Variants in FAM135B observed in about 807,000 individuals in gnomAD.
FAM135B encodes the protein family with sequence similarity 135 member B, also known as protein FAM135B.
FAM135B carries 43 observed loss-of-function variants against 127.7 expected under a neutral mutation model. The ratio of observed to expected loss-of-function variants is 0.34; its 90% confidence interval spans 0.26 to 0.43. FAM135B has a LOEUF of 0.43. FAM135B is among the 20% of genes least tolerant of loss of function. The pLI, the probability that FAM135B is intolerant of heterozygous loss-of-function variation, is 1.00. For missense variants in FAM135B, 1,558 were observed against 1,725.6 expected (o/e 0.90, Z 1.72); for synonymous variants, 670 against 665.1 (o/e 1.01, Z -0.11).
intron 1 of FAM135B, among the ~76,000 whole-genome samples, chr8:138,480,193 TC>T (rs143640076): frequency 0.01 from 1,590 of 152,324 alleles, 30 homozygotes; most frequent in African/African-American, 0.034. Flanking sequence ...CCATGGGGAC[TC>T]CCTGGGACAA....
At chr8:138,363,470 C>T (rs1830560222) in intron 2 of FAM135B, among the ~76,000 whole-genome samples, 1 of 152,162 alleles carries the variant, frequency 6.6e-6, no homozygotes, top group Non-Finnish European at 1.5e-5. Context: ...GTCCTCAGTA[C>T]TTCCCTGCCC....
intron 1 of FAM135B, among the ~76,000 whole-genome samples, chr8:138,466,196 G>A (rs1837373030): frequency 6.6e-6 from 1 of 152,160 alleles, no homozygotes; most frequent in African/African-American, 2.4e-5. Flanking sequence ...TGCGGTGGAG[G>A]GTAAAGGCCC....
intron 7 of FAM135B, among the ~76,000 whole-genome samples, chr8:138,235,003 T>C (rs1338961635): frequency 6.6e-6 from 1 of 152,222 alleles, no homozygotes; most frequent in Non-Finnish European, 1.5e-5. Flanking sequence ...CCTGTTTGTA[T>C]AAAGGTGACT....
intron 1 of FAM135B, among the ~76,000 whole-genome samples, chr8:138,419,442 A>G (rs1834360153): frequency 6.6e-6 from 1 of 152,180 alleles, no homozygotes; most frequent in African/African-American, 2.4e-5. Flanking sequence ...AGTATTAGAC[A>G]TATCATCAAG....
intron 4 of FAM135B, among the ~76,000 whole-genome samples, chr8:138,261,648 C>A (rs1350097403): frequency 6.6e-6 from 1 of 152,232 alleles, no homozygotes; most frequent in African/African-American, 2.4e-5. Flanking sequence ...AATACACACA[C>A]TACCTCCAGA....
chr8:138,339,412 C>A (rs993972674), intron 2 of FAM135B, among the ~76,000 whole-genome samples: 7 of 149,644 alleles, frequency 4.7e-5, no homozygotes, highest in Middle Eastern at 3.2e-3. Flanking sequence ...AAACTATTTT[C>A]CCTGAACTCC....
chr8:138,345,054 G>T (rs1280565760), intron 2 of FAM135B, among the ~76,000 whole-genome samples: 1 of 152,220 alleles, frequency 6.6e-6, no homozygotes, highest in East Asian at 1.9e-4. Context: ...CCAGCACTGT[G>T]TCAGCAATGC....
At chr8:138,236,604 C>T (rs1227749930) in intron 7 of FAM135B, among the ~76,000 whole-genome samples, 2 of 152,178 alleles carry the variant, frequency 1.3e-5, no homozygotes, top group Non-Finnish European at 2.9e-5. Context: ...GCAGCAGTGA[C>T]ATACTTAAAC....
At chr8:138,149,325 A>C (rs558564549) in intron 13 of FAM135B, among the ~76,000 whole-genome samples, 2 of 152,128 alleles carry the variant, frequency 1.3e-5, no homozygotes, top group Non-Finnish European at 2.9e-5. Context: ...AAAAAGTGAA[A>C]GCTTCTTGAC....
At position 138,195,264 on chromosome 8, in the gene FAM135B, C is replaced by G. The variant is rs534579864; in HGVS notation, c.867G>C (p.Glu289Asp). Residue 289 changes from glutamate to aspartate, a missense_variant, in exon 9 of 20, where the codon GAG (glutamate) becomes GAC (aspartate). Transcript: ENST00000395297. Reference protein sequence around the residue: ...VEETLSQLCSELQMLNNPEKI... With the variant: ...VEETLSQLCSDLQMLNNPEKI... Reference sequence around the variant, plus strand: ...GCGCCAGTTCTCCAATTACCTGTAGCTCTGAGCACAGCTGAGAAAGTGTTT... The same window carrying G: ...GCGCCAGTTCTCCAATTACCTGTAGGTCTGAGCACAGCTGAGAAAGTGTTT... The G allele has an allele frequency of 2.5e-6, 4 of 1,613,856 alleles. No homozygotes were observed. The African/African-American group carries it at 5.3e-5, about 22-fold the overall frequency.
intron 1 of FAM135B, chr8:138,477,262 T>C (rs374491947): frequency 5.8e-4 from 89 of 152,340 alleles, no homozygotes; most frequent in African/African-American, 1.9e-3. Context: ...CTATTCACAT[T>C]TGCCAGCCAG....
chr8:138,168,113 CT>C, intron 11 of FAM135B, 64 bp from the exon 12 acceptor site: 7 of 1,516,906 alleles, frequency 4.6e-6, no homozygotes, highest in Non-Finnish European at 6.2e-6. Context: ...CCGTTGCCCC[CT>C]CTTCCTAATC....
intron 1 of FAM135B, among the ~76,000 whole-genome samples, chr8:138,448,941 A>G (rs1171173581): frequency 6.6e-6 from 1 of 152,130 alleles, no homozygotes; most frequent in African/African-American, 2.4e-5. Context: ...CTCTTTATAC[A>G]CTAATCTTTG....
At chr8:138,166,859 T>A (rs1387062019) in intron 12 of FAM135B, among the ~76,000 whole-genome samples, 1 of 152,042 alleles carries the variant, frequency 6.6e-6, no homozygotes, top group African/African-American at 2.4e-5. Flanking sequence ...CAACCTGTAG[T>A]TCACAATCAA....
rs1818109252 is a variant in FAM135B, at chr8:138,211,124, G to C, written c.670-13455C>G. ...TTGGCTCCTGCAGAAAACAGATCAG[G>C]CTATTCTAAGGGATCACTAAACGAC... On this transcript the variant is annotated intron_variant, in intron 7 of 19. Transcript: ENST00000395297. Among the ~76,000 whole-genome samples the C allele has an allele frequency of 3.3e-5, 5 of 152,148 alleles. No homozygotes were observed. In the South Asian group the frequency reaches 1.0e-3, roughly 32 times the overall value.
intron 1 of FAM135B, among the ~76,000 whole-genome samples, chr8:138,404,407 G>A (rs542288162): frequency 6.2e-4 from 94 of 152,178 alleles, no homozygotes; most frequent in Admixed American, 1.6e-3. Context: ...CTGACTGATC[G>A]GGGTAATAGT....
intron 12 of FAM135B, among the ~76,000 whole-genome samples, chr8:138,156,446 A>G (rs1818754584): frequency 6.6e-6 from 1 of 152,202 alleles, no homozygotes; most frequent in Admixed American, 6.5e-5. Context: ...AAGTAAGATC[A>G]GAGCAGAACT....
At chr8:138,277,097 G>A (rs13256467) in intron 3 of FAM135B, among the ~76,000 whole-genome samples, 38,888 of 152,100 alleles carry the variant, frequency 0.26, 5,950 homozygotes, top group Middle Eastern at 0.35. Context: ...TCTGCAGCTC[G>A]AGTTTTGTCT....
rs10103808 is a variant in FAM135B, at chr8:138,130,829, A to G, written c.*1764T>C. 1 of 152,196 alleles carries G rather than the reference A, an allele frequency of 6.6e-6. No homozygotes were observed. The highest frequency in any genetic ancestry group is 2.1e-4 in the South Asian group (1 of 4,834). 9.4% of individuals were successfully genotyped at this position (152,196 alleles called of 1,614,324 possible). On this transcript the variant is annotated 3_prime_UTR_variant, in exon 20 of 20. Transcript: ENST00000395297. Reference sequence around the variant, plus strand: ...GCCCAGCTCTGACTCGGGAGCTCAGATAAAAATCCCCAGTGGAAAGTGACC... The same window carrying G: ...GCCCAGCTCTGACTCGGGAGCTCAGGTAAAAATCCCCAGTGGAAAGTGACC...
Sources: allele counts gnomAD v4.1 joint callset (sites outside exome capture counted in the v4.1 genomes callset), GRCh38; gene constraint gnomAD v4.1.1; transcripts MANE v1.5; gene names NCBI Gene and HGNC (gene_info 2026-07-23, HGNC 2026-07-21).